Variants in ZC3H7A observed in about 807,000 individuals in gnomAD.
The protein encoded by ZC3H7A is zinc finger CCCH domain-containing protein 7A.
A neutral mutation model predicts 125.5 loss-of-function variants in ZC3H7A; 44 were observed. That is an observed-to-expected ratio of 0.35 (90% CI 0.28 to 0.45). The LOEUF is 0.45. Among genes scored for constraint, ZC3H7A ranks in the 20% least tolerant of loss-of-function variants. The pLI, the probability that ZC3H7A is intolerant of heterozygous loss-of-function variation, is 1.00. For synonymous variants in ZC3H7A, 399 were observed against 391.2 expected (o/e 1.02, Z -0.23); for missense variants, 977 against 1,170.7 (o/e 0.83, Z 2.41).
chr16:11,792,943 G>A (rs1470271571), intron 1 of ZC3H7A, among the ~76,000 whole-genome samples: 2 of 152,176 alleles, frequency 1.3e-5, no homozygotes, highest in African/African-American at 4.8e-5. Flanking sequence ...GCATGCGTGT[G>A]CACTTGTGTA....
At chr16:11,791,812 A>C (rs1404595403) in intron 1 of ZC3H7A, among the ~76,000 whole-genome samples, 2 of 152,226 alleles carry the variant, frequency 1.3e-5, no homozygotes, top group Non-Finnish European at 2.9e-5. Flanking sequence ...ACGGAAAAAA[A>C]CCTGAAACCA....
At chr16:11,772,633 A>G (rs1314513174) in intron 9 of ZC3H7A, among the ~76,000 whole-genome samples, 6 of 151,334 alleles carry the variant, frequency 4.0e-5, no homozygotes, top group East Asian at 1.9e-4. Flanking sequence ...ATTTCTCCCT[A>G]TCATCACCAT....
Position 11,779,342 on chromosome 16 carries a change from T to G in ZC3H7A, c.130A>C (p.Arg44=). Residue 44 remains arginine, a synonymous_variant, in exon 4 of 23, where the codon AGA becomes CGA. Coordinates refer to ENST00000355758, the MANE Select transcript of ZC3H7A (RefSeq NM_014153.4). The part of the protein sequence containing the change: ...QYAVYLRALV[R]NLFNEGNDVY... ...TCATTTCCTTCATTAAAAAGATTTC[T>G]CACGAGAGCACGCAAATATACCTAA... The G allele has an allele frequency of 6.2e-7, 1 of 1,613,618 alleles. No individual in the cohort carries two copies. Among genetic ancestry groups the G allele is most frequent in the Non-Finnish European group, 8.5e-7 (1 of 1,179,894 alleles).
intron 20 of ZC3H7A, among the ~76,000 whole-genome samples, chr16:11,758,014 T>C (rs2052682566): frequency 6.6e-6 from 1 of 152,248 alleles, no homozygotes; most frequent in Non-Finnish European, 1.5e-5. Flanking sequence ...CCTCTGATTC[T>C]GAGCCTGTTT....
chr16:11,769,806 T>TTTTTTTTTTTTTTTTTTA (rs2052946685), intron 10 of ZC3H7A, among the ~76,000 whole-genome samples: 1 of 117,890 alleles, frequency 8.5e-6, no homozygotes, highest in East Asian at 3.1e-4. Context: ...TTTTTTTTTT[T>TTTTTTTTTTTTTTTTTTA]TGAGAAAGGG....
chr16:11,773,820 T>C (rs2053029814), intron 9 of ZC3H7A, among the ~76,000 whole-genome samples: 1 of 151,806 alleles, frequency 6.6e-6, no homozygotes, highest in Admixed American at 6.6e-5. Context: ...GAGGCGGAGC[T>C]TACAGTGAGC....
intron 1 of ZC3H7A, among the ~76,000 whole-genome samples, chr16:11,792,061 C>G (rs1039569834): frequency 1.3e-5 from 2 of 152,142 alleles, no homozygotes; most frequent in Non-Finnish European, 2.9e-5. Flanking sequence ...GCACATGCCA[C>G]TATACCTGAA....
At position 11,774,516 on chromosome 16, in the gene ZC3H7A, AAAT is replaced by A; in HGVS notation, c.620_622del (p.Asp207_Leu208delinsVal). 6.5e-7 allele frequency: 1 copy of A among 1,531,072 alleles called. No individual in the cohort carries two copies. Among genetic ancestry groups the A allele is most frequent in the Non-Finnish European group, 8.8e-7 (1 of 1,138,454 alleles). The allele number at this position is 1,531,072 out of a possible 1,614,324, so 94.8% of individuals were successfully genotyped here. A position where few individuals can be genotyped will look rare whatever the true frequency, so the allele number is the denominator to read the frequency against. On this transcript the variant is annotated inframe_deletion and splice_region_variant, in exon 9 of 23. Coordinates refer to ENST00000355758, the MANE Select transcript of ZC3H7A (RefSeq NM_014153.4). ...AACTGCTTCTTGCCTTGGAGTTAAT[AAAT>A]CTGTAACACAGATGGAAATGTACTC...
intron 20 of ZC3H7A, among the ~76,000 whole-genome samples, chr16:11,757,026 C>A (rs532426184): frequency 6.6e-6 from 1 of 152,154 alleles, no homozygotes; most frequent in Non-Finnish European, 1.5e-5. Flanking sequence ...ATGTGGTTGA[C>A]ATTCTGGCTA....
Position 11,765,768 on chromosome 16 carries a change from G to T in ZC3H7A, c.1523-83C>A, listed in dbSNP as rs920128402. The T allele has an allele frequency of 1.9e-5, 26 of 1,380,796 alleles. No homozygotes were observed. Among genetic ancestry groups the T allele is most frequent in the Non-Finnish European group, 2.3e-5 (23 of 1,017,112 alleles). The allele number at this position is 1,380,796 out of a possible 1,614,324, so 85.5% of individuals were successfully genotyped here. On this transcript the variant is annotated intron_variant, in intron 13 of 22. Coordinates refer to ENST00000355758, the MANE Select transcript of ZC3H7A (RefSeq NM_014153.4). This position sits in a 1 kb window ranked among gnomAD's most constrained non-coding sequence, Gnocchi z 4.8. ...GCTACTTGGGAGGCTGAGGTGGGAG[G>T]ATCCCTTGAGCCCAGGAGTTCAAGG...
chr16:11,758,472 G>C lies in ZC3H7A; in HGVS notation c.2387C>G (p.Pro796Arg). 6.2e-7 allele frequency: 1 copy of C among 1,613,832 alleles called. No individual in the cohort carries two copies. Among genetic ancestry groups the C allele is most frequent in the Non-Finnish European group, 8.5e-7 (1 of 1,179,784 alleles). The change falls in exon 20 of 23, where the codon CCT (proline) becomes CGT (arginine). Residue 796 changes from proline to arginine, a missense_variant. Transcript: ENST00000355758. ...YVGNCSFAHS[P>R]EEREVWTYMK... ...GTAAGTCCAAACTTCTCTTTCCTCA[G>C]GACTATGAGCAAAGGAACAGTTTCC...
intron 1 of ZC3H7A, among the ~76,000 whole-genome samples, chr16:11,787,870 C>T (rs2053283035): frequency 6.6e-6 from 1 of 151,718 alleles, no homozygotes; most frequent in African/African-American, 2.4e-5. Flanking sequence ...CGTTTGAACC[C>T]AGGAGGCAGA....
intron 1 of ZC3H7A, among the ~76,000 whole-genome samples, chr16:11,792,074 A>T (rs181579776): frequency 6.6e-6 from 1 of 152,122 alleles, no homozygotes; most frequent in Admixed American, 6.5e-5. Context: ...TACCTGAATA[A>T]TTTTTGTATT....
chr16:11,760,140 A>AAAAAAAAAAAAAAG (rs1567374789), intron 19 of ZC3H7A, among the ~76,000 whole-genome samples: 3 of 149,598 alleles, frequency 2.0e-5, no homozygotes, highest in African/African-American at 7.5e-5. Context: ...AAAAAAAAAA[A>AAAAAAAAAAAAAAG]AAAAAGAAAA....
At chr16:11,778,800 G>A (rs995935247) in intron 4 of ZC3H7A, among the ~76,000 whole-genome samples, 1 of 152,010 alleles carries the variant, frequency 6.6e-6, no homozygotes, top group South Asian at 2.1e-4. Flanking sequence ...TGCAAGCTTC[G>A]CCTCCTGGGT....
In ZC3H7A at chr16:11,782,382, G is replaced by A. The variant is rs367981608; in HGVS notation, c.-28C>T. On this transcript the variant is annotated 5_prime_UTR_variant, in exon 2 of 23. Transcript: ENST00000355758. ...TATCCCACACATCCACTTTCTAAATGAGCAATCTGGAAAGAAACAAGGCAA... is the reference window on the plus strand; with the variant it reads ...TATCCCACACATCCACTTTCTAAATAAGCAATCTGGAAAGAAACAAGGCAA... 1.2e-6 allele frequency: 2 copies of A among 1,613,498 alleles called. No individual in the cohort carries two copies. The highest frequency in any genetic ancestry group is 1.7e-6 in the Non-Finnish European group (2 of 1,179,664).
intron 19 of ZC3H7A, chr16:11,759,604 G>A (rs979434481): frequency 2.0e-5 from 3 of 152,208 alleles, no homozygotes; most frequent in African/African-American, 7.2e-5. Flanking sequence ...CAATGATAAG[G>A]AGCAGGAAGA....
chr16:11,787,658 G>A (rs1186889235), intron 1 of ZC3H7A, among the ~76,000 whole-genome samples: 1 of 151,980 alleles, frequency 6.6e-6, no homozygotes, highest in Non-Finnish European at 1.5e-5. Flanking sequence ...TAAAAGCACA[G>A]GGACTGGCCA....
At chr16:11,776,177 T>C (rs756993722) in intron 7 of ZC3H7A, 143 bp downstream of exon 7, 1 of 741,694 alleles carries the variant, frequency 1.3e-6, no homozygotes, top group Non-Finnish European at 2.1e-6. Context: ...ATAAATAAAG[T>C]GACAGGAGGG....
Sources: gnomAD v4.1 joint callset for allele counts (sites outside exome capture counted in the v4.1 genomes callset) on GRCh38, gnomAD v4.1.1 for gene constraint, Gnocchi (gnomAD v3.1) non-coding constraint, MANE v1.5 for transcripts, NCBI Gene and HGNC (gene_info 2026-07-23, HGNC 2026-07-21) for gene names.